CCBE1: variants seen among roughly 807,000 people sequenced by gnomAD.
CCBE1 encodes the protein collagen and calcium-binding EGF domain-containing protein 1.
In CCBE1, 37 loss-of-function variants were observed where a neutral mutation model predicts 50.0. That is an observed-to-expected ratio of 0.74 (90% CI 0.57 to 0.97). The LOEUF is 0.97. Among genes scored for constraint, CCBE1 ranks in the 50% least tolerant of loss-of-function variants. CCBE1 has a pLI of 0.00. For missense variants in CCBE1, 538 were observed against 523.8 expected (o/e 1.03, Z -0.26); for synonymous variants, 234 against 203.7 (o/e 1.15, Z -1.27).
At chr18:59,547,893 G>C (rs188845767) in intron 2 of CCBE1, among the ~76,000 whole-genome samples, 85 of 152,330 alleles carry the variant, frequency 5.6e-4, no homozygotes, top group African/African-American at 1.7e-3. Context: ...GTTCTCACAG[G>C]AAAGTGCAAC....
intron 2 of CCBE1, among the ~76,000 whole-genome samples, chr18:59,629,281 C>T (rs1467715662): frequency 1.3e-5 from 2 of 152,146 alleles, no homozygotes; most frequent in Non-Finnish European, 2.9e-5. Context: ...GTAACTGACT[C>T]CCTCATCTCT....
chr18:59,696,748 G>T (rs1308215431), intron 1 of CCBE1, 39 bp from the exon 2 acceptor site: 30 of 1,601,312 alleles, frequency 1.9e-5, no homozygotes, highest in Non-Finnish European at 2.6e-5. Flanking sequence ...ATTCTCAGCG[G>T]GAGAGCGGAG....
At chr18:59,536,274 C>A (rs1373395330) in intron 2 of CCBE1, among the ~76,000 whole-genome samples, 1 of 152,072 alleles carries the variant, frequency 6.6e-6, no homozygotes, top group Non-Finnish European at 1.5e-5. Context: ...GCGAGGTGCC[C>A]AGCATCCGCA....
Position 59,558,590 on chromosome 18 carries a change from G to C in CCBE1, c.213-78352C>G, listed in dbSNP as rs546887743. Among the ~76,000 whole-genome samples the C allele has an allele frequency of 9.2e-5, 14 of 152,320 alleles. No individual in the cohort carries two copies. The South Asian group carries it at 2.9e-3, about 32-fold the overall frequency. ...ACTATTGCCTGTAAAAGGTATAACT[G>C]CCCTGCTGATGCTGTACAGGGGCTC... is the stretch of plus-strand genomic sequence containing the variant. On this transcript the variant is annotated intron_variant, in intron 2 of 10. Coordinates refer to ENST00000439986, the MANE Select transcript of CCBE1 (RefSeq NM_133459.4).
chr18:59,542,511 T>C (rs1349267539), intron 2 of CCBE1, among the ~76,000 whole-genome samples: 1 of 152,192 alleles, frequency 6.6e-6, no homozygotes, highest in African/African-American at 2.4e-5. Context: ...ATTCCTGTAA[T>C]AGATCAGAAG....
chr18:59,561,454 C>T (rs777405959), intron 2 of CCBE1, among the ~76,000 whole-genome samples: 12 of 152,188 alleles, frequency 7.9e-5, no homozygotes, highest in Non-Finnish European at 1.3e-4. Context: ...CCGAGGCAGA[C>T]ATCCGGCCAC....
At chr18:59,546,381 A>C (rs1915683061) in intron 2 of CCBE1, among the ~76,000 whole-genome samples, 1 of 152,210 alleles carries the variant, frequency 6.6e-6, no homozygotes, top group Non-Finnish European at 1.5e-5. Context: ...GGGCTTGGCC[A>C]TGTAACTTCT....
At chr18:59,660,140 C>T (rs369757805) in intron 2 of CCBE1, among the ~76,000 whole-genome samples, 25 of 152,218 alleles carry the variant, frequency 1.6e-4, no homozygotes, top group African/African-American at 4.6e-4. Context: ...CGAAAGGGGC[C>T]GAAATCCAGC....
intron 2 of CCBE1, among the ~76,000 whole-genome samples, chr18:59,655,694 A>G (rs777620326): frequency 3.3e-5 from 5 of 152,214 alleles, no homozygotes; most frequent in Non-Finnish European, 5.9e-5. Context: ...GGTTTTGCCA[A>G]CCTCCAAGAA....
intron 2 of CCBE1, among the ~76,000 whole-genome samples, chr18:59,584,224 A>G (rs1276744153): frequency 6.6e-6 from 1 of 151,984 alleles, no homozygotes; most frequent in Non-Finnish European, 1.5e-5. Context: ...ATTAGAAACC[A>G]TCATTCTCAG....
At chr18:59,510,614 G>A (rs1914090660) in intron 2 of CCBE1, among the ~76,000 whole-genome samples, 1 of 151,958 alleles carries the variant, frequency 6.6e-6, no homozygotes. Flanking sequence ...TAGAGACGGG[G>A]TTTCACCATG....
chr18:59,691,337 T>C (rs2054729215), intron 2 of CCBE1, among the ~76,000 whole-genome samples: 1 of 152,228 alleles, frequency 6.6e-6, no homozygotes, highest in South Asian at 2.1e-4. Flanking sequence ...GCAAGGTGTG[T>C]CATTCAGGTC....
intron 2 of CCBE1, among the ~76,000 whole-genome samples, chr18:59,567,579 C>T (rs191092151): frequency 3.0e-4 from 46 of 152,340 alleles, no homozygotes; most frequent in Admixed American, 1.2e-3. Context: ...ACCCATCCCA[C>T]GCTGCAACCC....
intron 10 of CCBE1, among the ~76,000 whole-genome samples, chr18:59,436,360 C>T (rs1317658003): frequency 1.3e-5 from 2 of 152,186 alleles, no homozygotes; most frequent in Non-Finnish European, 2.9e-5. Context: ...TTCACCTTTC[C>T]TCCCTCCTAA....
rs1252968244 is a variant in CCBE1, at chr18:59,583,678, TGTGCGCGCGCGC to T, written c.213-103452_213-103441del. Among the ~76,000 whole-genome samples, 47 of 58,574 alleles carry T rather than the reference TGTGCGCGCGCGC, an allele frequency of 8.0e-4. No homozygotes were observed. In the East Asian group the frequency reaches 0.012, roughly 16 times the overall value. The allele number at this position is 58,574 out of a possible 152,430, so 38.4% of individuals were successfully genotyped here. Reference sequence around the variant, plus strand: ...GCGTGTGTGTGTGTGTGTGTGTGTGTGTGCGCGCGCGCGCGCGCGCGCGTGTGTGTGTATGTC... The same window carrying T: ...GCGTGTGTGTGTGTGTGTGTGTGTGTGCGCGCGCGCGTGTGTGTGTATGTC... On this transcript the variant is annotated intron_variant, in intron 2 of 10. Coordinates refer to ENST00000439986, the MANE Select transcript of CCBE1 (RefSeq NM_133459.4).
rs542141068 is a variant in CCBE1, at chr18:59,457,724, T to C, written c.554-2773A>G. 2.6e-5 allele frequency among the ~76,000 whole-genome samples: 4 copies of C among 152,324 alleles called. No individual in the cohort carries two copies. The East Asian group carries it at 7.7e-4, about 29-fold the overall frequency. On this transcript the variant is annotated intron_variant, in intron 5 of 10. Coordinates refer to ENST00000439986, the MANE Select transcript of CCBE1 (RefSeq NM_133459.4). ...GCAAGTATCTGAGGTGGGTTTAGAA[T>C]GGAGTTGTCCTGAAATTAAGTCCAA... is the stretch of plus-strand genomic sequence containing the variant.
At chr18:59,525,480 C>T (rs1040765645) in intron 2 of CCBE1, among the ~76,000 whole-genome samples, 9 of 152,194 alleles carry the variant, frequency 5.9e-5, no homozygotes, top group African/African-American at 1.7e-4. Context: ...GCAAAAGTTC[C>T]TCGTAGATTC....
chr18:59,431,339 A>T lies in CCBE1; in HGVS notation c.*4569T>A, dbSNP rs544894423. Reference sequence around the variant, plus strand: ...GACTATGCCAGGAAAAAATTCATCTATTTCCCTGAACTCATTATTAATAAC... The same window carrying T: ...GACTATGCCAGGAAAAAATTCATCTTTTTCCCTGAACTCATTATTAATAAC... On this transcript the variant is annotated 3_prime_UTR_variant, in exon 11 of 11. Coordinates refer to ENST00000439986, the MANE Select transcript of CCBE1 (RefSeq NM_133459.4). 1 of 152,280 alleles carries T rather than the reference A, an allele frequency of 6.6e-6. No individual in the cohort carries two copies. The highest frequency in any genetic ancestry group is 6.5e-5 in the Admixed American group (1 of 15,306). 9.4% of individuals were successfully genotyped at this position (152,280 alleles called of 1,614,324 possible).
intron 2 of CCBE1, among the ~76,000 whole-genome samples, chr18:59,504,129 C>A (rs1167994947): frequency 6.6e-6 from 1 of 152,150 alleles, no homozygotes; most frequent in African/African-American, 2.4e-5. Context: ...GATCAAACAT[C>A]ATTGAGTTTT....
Sources: gnomAD v4.1 joint callset for allele counts (sites outside exome capture counted in the v4.1 genomes callset) on GRCh38, gnomAD v4.1.1 for gene constraint, MANE v1.5 for transcripts, NCBI Gene and HGNC (gene_info 2026-07-23, HGNC 2026-07-21) for gene names.